TUSC3: variants seen among roughly 807,000 people sequenced by gnomAD.
The protein encoded by TUSC3 is tumor suppressor candidate 3, also known as dolichyl-diphosphooligosaccharide--protein glycosyltransferase subunit TUSC3.
A neutral mutation model predicts 44.8 loss-of-function variants in TUSC3; 45 were observed. The observed-to-expected ratio is 1.00, with a 90% CI of 0.79 to 1.29. TUSC3 has a LOEUF of 1.29. Ranked by LOEUF, TUSC3 falls within the 50% of genes most tolerant of loss-of-function variation. The pLI, the probability that TUSC3 is intolerant of heterozygous loss-of-function variation, is 0.00. For synonymous variants in TUSC3, 212 were observed against 152.9 expected (o/e 1.39, Z -2.85); for missense variants, 519 against 437.9 (o/e 1.19, Z -1.65).
the TUSC3 span, among the ~76,000 whole-genome samples, chr8:15,821,638 A>C: frequency 6.6e-6 from 1 of 151,838 alleles, no homozygotes; most frequent in African/African-American, 2.4e-5. Context: ...TCTGTGACTA[A>C]AACCTCTCAT....
At chr8:15,806,340 A>G in the TUSC3 span, 1 of 726,984 alleles carries the variant, frequency 1.4e-6, no homozygotes. Flanking sequence ...CTTCTTTATG[A>G]TTTCTTCTAC....
At chr8:15,851,397 T>A in the TUSC3 span, among the ~76,000 whole-genome samples, 1 of 152,194 alleles carries the variant, frequency 6.6e-6, no homozygotes, top group East Asian at 1.9e-4. Context: ...AACGATGCGA[T>A]GATAACAAAT....
Position 15,623,232 on chromosome 8 carries a change from G to T in TUSC3, c.291G>T (p.Arg97=). ...IVMFTALQPQ[R]QCSVCRQANE... ...TGTTCACTGCTCTTCAGCCTCAGCG[G>T]CAGTGTTCTGTGTGCAGGTAATTTA... Residue 97 remains arginine (R), a synonymous_variant, in exon 2 of 11, where the codon CGG becomes CGT. Coordinates refer to ENST00000503731, the MANE Select transcript of TUSC3 (RefSeq NM_006765.4). The T allele has an allele frequency of 1.2e-6, 2 of 1,607,706 alleles. No homozygotes were observed. Among genetic ancestry groups the T allele is most frequent in the Non-Finnish European group, 1.7e-6 (2 of 1,176,958 alleles).
At chr8:15,514,241 T>C (rs989254126) in intron 2 of TUSC3, among the ~76,000 whole-genome samples, 2 of 152,216 alleles carry the variant, frequency 1.3e-5, no homozygotes, top group Non-Finnish European at 2.9e-5. Context: ...GAGTGAATGA[T>C]GAAAGCATCA....
chr8:15,570,639 T>A (rs1371605696), intron 1 of TUSC3, among the ~76,000 whole-genome samples: 4 of 152,180 alleles, frequency 2.6e-5, no homozygotes, highest in Non-Finnish European at 5.9e-5. Flanking sequence ...TTTACATGTA[T>A]TATTTCATTT....
intron 6 of TUSC3, among the ~76,000 whole-genome samples, chr8:15,729,720 T>G (rs1181899426): frequency 9.2e-5 from 14 of 151,940 alleles, no homozygotes; most frequent in Admixed American, 9.2e-4. Flanking sequence ...GGTTGGAGGG[T>G]GGGAGGAAAG....
At chr8:15,655,464 A>G (rs1273784581) in intron 3 of TUSC3, among the ~76,000 whole-genome samples, 2 of 152,230 alleles carry the variant, frequency 1.3e-5, no homozygotes, top group Non-Finnish European at 2.9e-5. Flanking sequence ...CCAAAGGGAA[A>G]AATCAAGGGG....
intron 1 of TUSC3, among the ~76,000 whole-genome samples, chr8:15,555,139 C>CTTTT (rs60676527): frequency 1.1e-5 from 1 of 93,578 alleles, no homozygotes; most frequent in African/African-American, 4.0e-5. Flanking sequence ...TAATAGCAGT[C>CTTTT]TTTTTTTTTT....
At chr8:15,763,283 C>T (rs546514300) in intron 10 of TUSC3, among the ~76,000 whole-genome samples, 200 of 151,932 alleles carry the variant, frequency 1.3e-3, no homozygotes, top group African/African-American at 4.7e-3. Context: ...AATGAGGAAA[C>T]CGAGGTTCAG....
At chr8:15,577,629 T>C (rs1287090825) in intron 1 of TUSC3, among the ~76,000 whole-genome samples, 3 of 147,498 alleles carry the variant, frequency 2.0e-5, no homozygotes, top group African/African-American at 7.6e-5. Context: ...GTTGTAGATA[T>C]GCGGTGTTAT....
intron 9 of TUSC3, among the ~76,000 whole-genome samples, chr8:15,750,712 A>G (rs1274893293): frequency 6.6e-6 from 1 of 152,128 alleles, no homozygotes; most frequent in Non-Finnish European, 1.5e-5. Flanking sequence ...CATACATGCC[A>G]CTTACGTTAT....
chr8:15,717,939 G>A (rs2129202620), intron 6 of TUSC3, among the ~76,000 whole-genome samples: 1 of 152,090 alleles, frequency 6.6e-6, no homozygotes, highest in Non-Finnish European at 1.5e-5. Context: ...TGCATGATTA[G>A]ACATTTTTAA....
At chr8:15,628,020 C>G (rs965317038) in intron 2 of TUSC3, among the ~76,000 whole-genome samples, 4 of 152,114 alleles carry the variant, frequency 2.6e-5, no homozygotes, top group African/African-American at 9.7e-5. Context: ...TTAAGGGATG[C>G]TATAAAGCCC....
upstream of TUSC3, among the ~76,000 whole-genome samples, chr8:15,535,873 G>A (rs1370597880): frequency 2.0e-5 from 3 of 152,134 alleles, no homozygotes; most frequent in Non-Finnish European, 2.9e-5. Context: ...AATACACCTC[G>A]TGAACATCTA....
the TUSC3 span, among the ~76,000 whole-genome samples, chr8:15,775,412 C>G: frequency 6.6e-6 from 1 of 151,936 alleles, no homozygotes; most frequent in African/African-American, 2.4e-5. Flanking sequence ...GTACTTCATG[C>G]TACTCAATTA....
chr8:15,810,696 C>T, the TUSC3 span, among the ~76,000 whole-genome samples: 1 of 152,112 alleles, frequency 6.6e-6, no homozygotes, highest in Non-Finnish European at 1.5e-5. Context: ...AAATATATTT[C>T]TTTGACAAAT....
chr8:15,845,782 A>T, the TUSC3 span, among the ~76,000 whole-genome samples: 1 of 152,198 alleles, frequency 6.6e-6, no homozygotes, highest in Admixed American at 6.5e-5. Flanking sequence ...AGCTACGTGT[A>T]TGTTCAAACA....
intron 1 of TUSC3, among the ~76,000 whole-genome samples, chr8:15,444,065 A>G (rs1800059044): frequency 6.6e-6 from 1 of 152,234 alleles, no homozygotes; most frequent in Admixed American, 6.5e-5. Flanking sequence ...CCAGTTCTGT[A>G]TGAATTACTC....
At chr8:15,437,732 T>C (rs1329552698) in intron 1 of TUSC3, among the ~76,000 whole-genome samples, 1 of 152,184 alleles carries the variant, frequency 6.6e-6, no homozygotes, top group Non-Finnish European at 1.5e-5. Flanking sequence ...TTGGAAGCAC[T>C]GGAAAGTAGA....
Sources: allele counts gnomAD v4.1 joint callset (sites outside exome capture counted in the v4.1 genomes callset), GRCh38; gene constraint gnomAD v4.1.1; transcripts MANE v1.5; gene names NCBI Gene and HGNC (gene_info 2026-07-23, HGNC 2026-07-21).